NBPF10: variants seen among roughly 807,000 people sequenced by gnomAD.
The protein encoded by NBPF10 is NBPF member 10.
A neutral mutation model predicts 77.9 loss-of-function variants in NBPF10; 63 were observed. The observed-to-expected ratio is 0.81, with a 90% confidence interval of 0.66 to 1.00. The LOEUF is 1.00. Among genes scored for constraint, NBPF10 ranks in the 50% least tolerant of loss-of-function variants. The pLI, the probability that NBPF10 is intolerant of heterozygous loss-of-function variation, is 0.00. For missense variants in NBPF10, 522 were observed against 679.8 expected, an observed-to-expected ratio of 0.77 and a Z score of 2.58; for synonymous variants, 146 against 264.5, an observed-to-expected ratio of 0.55 and a Z score of 4.35.
chr1:146,068,022 GC>G lies in NBPF10; in HGVS notation c.11015del (p.Gly3672AlafsTer49), dbSNP rs1553778466. On this transcript the variant is annotated frameshift_variant, in exon 88 of 90. Coordinates refer to ENST00000583866, the Ensembl canonical transcript of NBPF10. LOFTEE classifies it high-confidence loss of function. ...ACTCACTGTCCACGTCAAGAGCCAA[GC>G]CAAGGTACTGTTCCTCCAATGAGTA... The G allele has an allele frequency of 1.9e-6, 1 of 539,742 alleles. No homozygotes were observed. The highest frequency in any genetic ancestry group is 3.2e-6 in the Non-Finnish European group (1 of 316,344). The allele number at this position is 539,742 out of a possible 1,614,324, so 33.4% of individuals were successfully genotyped here.
At chr1:146,136,618 C>G (rs1659735691) in intron 6 of NBPF10, among the ~76,000 whole-genome samples, 163 bp from the exon 7 acceptor site, 1 of 142,748 alleles carries the variant, frequency 7.0e-6, no homozygotes, top group Non-Finnish European at 1.5e-5. Context: ...TCCTGACTTT[C>G]TGGCATCTGA....
intron 14 of NBPF10, 39 bp downstream of exon 14, chr1:146,126,197 C>T: frequency 8.7e-7 from 1 of 1,146,360 alleles, no homozygotes. Flanking sequence ...AACCAGAAGA[C>T]TCAGTGGATC....
chr1:146,129,951 G>A (rs1181604573), intron 11 of NBPF10, among the ~76,000 whole-genome samples: 6 of 94,198 alleles, frequency 6.4e-5, no homozygotes, highest in African/African-American at 2.4e-4. Context: ...TGTGCACAAC[G>A]TGCAGGTTAG....
At chr1:146,067,721 A>G (rs1226786316) in intron 88 of NBPF10, among the ~76,000 whole-genome samples, 3 of 150,056 alleles carry the variant, frequency 2.0e-5, no homozygotes, top group Non-Finnish European at 4.4e-5. Flanking sequence ...TCAAAATCAC[A>G]GTTCTCTGAA....
At chr1:146,126,128 C>T (rs1658598389) in intron 14 of NBPF10, 108 bp downstream of exon 14, 8 of 769,418 alleles carry the variant, frequency 1.0e-5, no homozygotes, top group Admixed American at 1.9e-5. Context: ...ATAGGTCCTC[C>T]CTGTGGCAAT....
At chr1:146,125,755 C>T (rs1658527283) in intron 14 of NBPF10, among the ~76,000 whole-genome samples, 1 of 140,360 alleles carries the variant, frequency 7.1e-6, no homozygotes, top group African/African-American at 2.8e-5. Flanking sequence ...ATCATTTGTC[C>T]CAAGTTTGTG....
chr1:146,143,807 T>C (rs1237724752), intron 1 of NBPF10, among the ~76,000 whole-genome samples: 17 of 138,900 alleles, frequency 1.2e-4, no homozygotes, highest in African/African-American at 4.5e-4. Context: ...TGGAGTGCAA[T>C]AGTGCAATCT....
rs200417394 is a variant in NBPF10, at chr1:146,134,239, C to G, written c.1333G>C (p.Val445Leu). The change falls in exon 9 of 90, where the codon GTT becomes CTT. Residue 445 changes from valine to leucine, a missense_variant. Coordinates refer to ENST00000583866, the Ensembl canonical transcript of NBPF10. The stretch of plus-strand genomic sequence containing the variant: ...ACTTTCTCAGCCACCTCAACTTGAA[C>G]ATCTTCATCGTCATCGTTGTCATTT... 1,035 of 1,598,790 alleles carry G rather than the reference C, an allele frequency of 6.5e-4. 5 individuals carry two copies. The highest frequency in any genetic ancestry group is 8.5e-4 in the Non-Finnish European group (999 of 1,177,118).
chr1:146,066,831 G>T (rs1553777671), intron 89 of NBPF10, among the ~76,000 whole-genome samples: 2 of 151,802 alleles, frequency 1.3e-5, no homozygotes, highest in South Asian at 4.2e-4. Context: ...TGACATACTG[G>T]TAAGGGAGTC....
At chr1:146,125,958 T>C (rs587622160) in intron 14 of NBPF10, among the ~76,000 whole-genome samples, 10 of 151,582 alleles carry the variant, frequency 6.6e-5, no homozygotes, top group South Asian at 6.3e-4. Flanking sequence ...AAAATCAGAG[T>C]TGTGTGAATT....
In NBPF10 at chr1:146,142,614, C is replaced by A; in HGVS notation, c.278+36G>T. ...CTGCTGTACTTCAGAGATCTACACA[C>A]CTACCCGCCTGCCTCCCCCTATGGG... On this transcript the variant is annotated intron_variant, in intron 2 of 89. Transcript: ENST00000583866. 2.6e-6 allele frequency: 3 copies of A among 1,151,462 alleles called. 1 individual carries two copies. Among genetic ancestry groups the A allele is most frequent in the Non-Finnish European group, 3.7e-6 (3 of 800,418 alleles). The allele number at this position is 1,151,462 out of a possible 1,614,324, so 71.3% of individuals were successfully genotyped here.
chr1:146,138,785 G>GT (rs1306781472), intron 5 of NBPF10, among the ~76,000 whole-genome samples: 1 of 135,104 alleles, frequency 7.4e-6, no homozygotes, highest in East Asian at 2.2e-4. Context: ...TTCTTTTTTG[G>GT]TTTTTTGTTT....
At chr1:146,126,922 T>C (rs1429938199) in intron 13 of NBPF10, 106 bp downstream of exon 13, 2 of 512,878 alleles carry the variant, frequency 3.9e-6, no homozygotes, top group Non-Finnish European at 6.8e-6. Flanking sequence ...AATTCAGACT[T>C]GTCTGACAAG....
At chr1:146,125,970 G>T (rs147279772) in intron 14 of NBPF10, among the ~76,000 whole-genome samples, 2 of 151,664 alleles carry the variant, frequency 1.3e-5, no homozygotes, top group Admixed American at 1.3e-4. Context: ...GTGTGAATTT[G>T]TCATATCTGC....
chr1:146,136,118 T>G (rs1342291315), intron 7 of NBPF10, among the ~76,000 whole-genome samples: 1 of 150,840 alleles, frequency 6.6e-6, no homozygotes, highest in Non-Finnish European at 1.5e-5. Flanking sequence ...TTATGTAAAT[T>G]TCACATCAAC....
chr1:146,139,265 A>AT (rs10533520), intron 5 of NBPF10, among the ~76,000 whole-genome samples: 15,971 of 139,902 alleles, frequency 0.11, 41 homozygotes, highest in Admixed American at 0.15. Context: ...ACGCCCAGCT[A>AT]TTTTTTTTTT....
Position 146,140,345 on chromosome 1 carries a change from T to A in NBPF10, c.566+139A>T, listed in dbSNP as rs1319181167. On this transcript the variant is annotated intron_variant, in intron 4 of 89. Coordinates refer to ENST00000583866, the Ensembl canonical transcript of NBPF10. ...AACACGACAGCTGCCGCACCCTGTG[T>A]CTAAGCTGGGTTCAATTTCACATAC... 4.7e-6 allele frequency: 4 copies of A among 856,336 alleles called. 2 individuals are homozygous for A. Among genetic ancestry groups the A allele is most frequent in the Non-Finnish European group, 7.4e-6 (4 of 544,044 alleles). The allele number at this position is 856,336 out of a possible 1,614,324, so 53.0% of individuals were successfully genotyped here. A position where few individuals can be genotyped will look rare whatever the true frequency, so the allele number is the denominator to read the frequency against.
chr1:146,126,754 T>G (rs1658752670), intron 13 of NBPF10, among the ~76,000 whole-genome samples: 1 of 141,504 alleles, frequency 7.1e-6, no homozygotes, highest in Non-Finnish European at 1.5e-5. Flanking sequence ...CCTCAATAAT[T>G]TTGCATAAAA....
At chr1:146,126,564 C>G (rs1210652190) in intron 13 of NBPF10, among the ~76,000 whole-genome samples, 156 bp from the exon 14 acceptor site, 4 of 148,306 alleles carry the variant, frequency 2.7e-5, no homozygotes, top group Non-Finnish European at 3.0e-5. Context: ...TTGGGATTGA[C>G]TAGGGCCAGG....
Sources: allele counts gnomAD v4.1 joint callset (sites outside exome capture counted in the v4.1 genomes callset), GRCh38; gene constraint gnomAD v4.1.1; transcripts MANE v1.5; gene names NCBI Gene and HGNC (gene_info 2026-07-23, HGNC 2026-07-21).